The following COL19A1 variants were observed in gnomAD, a reference collection of about 807,000 sequenced individuals.
COL19A1 encodes collagen alpha-1(XIX) chain.
Under a neutral mutation model 190.2 loss-of-function variants are expected in COL19A1, and 159 were observed. That is an observed-to-expected ratio of 0.84 (90% CI 0.73 to 0.95). COL19A1 has a LOEUF of 0.95. Ranked by LOEUF, COL19A1 falls within the 40% of genes least tolerant of loss-of-function variation. The probability of loss-of-function intolerance (pLI) is 0.00; values close to 1 mark genes in which losing one functional copy is unlikely to be tolerated. For missense variants in COL19A1, 1,418 were observed against 1,431.9 expected (o/e 0.99, Z 0.16); for synonymous variants, 509 against 458.9 (o/e 1.11, Z -1.39).
intron 31 of COL19A1, among the ~76,000 whole-genome samples, chr6:70,152,149 C>T (rs1444598814): frequency 6.6e-6 from 1 of 151,798 alleles, no homozygotes; most frequent in Non-Finnish European, 1.5e-5. Context: ...TGAGTGAGGC[C>T]ACATGAAAAT....
At chr6:69,904,125 G>A (rs1008709522) in intron 4 of COL19A1, among the ~76,000 whole-genome samples, 1 of 152,154 alleles carries the variant, frequency 6.6e-6, no homozygotes, top group Non-Finnish European at 1.5e-5. Flanking sequence ...TCACTCGGGG[G>A]CACTGAGCCC....
At chr6:70,077,484 A>G (rs1781948153) in intron 15 of COL19A1, among the ~76,000 whole-genome samples, 1 of 152,184 alleles carries the variant, frequency 6.6e-6, no homozygotes, top group Non-Finnish European at 1.5e-5. Context: ...GAATTATTGT[A>G]GATTAATTTG....
At chr6:70,113,237 C>T (rs1784381111) in intron 16 of COL19A1, among the ~76,000 whole-genome samples, 2 of 152,156 alleles carry the variant, frequency 1.3e-5, no homozygotes, top group East Asian at 1.9e-4. Context: ...TGCCAGCTTC[C>T]AACTAAACTG....
chr6:69,905,272 C>G (rs1770473750), intron 4 of COL19A1, among the ~76,000 whole-genome samples: 1 of 152,200 alleles, frequency 6.6e-6, no homozygotes, highest in African/African-American at 2.4e-5. Context: ...ACTTGGAGGG[C>G]TGTAGGCAGG....
chr6:69,921,469 T>TCATATATA (rs1491230202), intron 4 of COL19A1, among the ~76,000 whole-genome samples: 26 of 110,116 alleles, frequency 2.4e-4, no homozygotes, highest in African/African-American at 1.0e-3. Flanking sequence ...ATCATATATA[T>TCATATATA]TCATATATTC....
chr6:69,868,277 A>T (rs1175143351), intron 1 of COL19A1, among the ~76,000 whole-genome samples: 3 of 151,878 alleles, frequency 2.0e-5, no homozygotes, highest in Non-Finnish European at 4.4e-5. Flanking sequence ...GTGGTGGGAA[A>T]CTTGCAGGAC....
intron 48 of COL19A1, among the ~76,000 whole-genome samples, chr6:70,193,412 G>A (rs1458092718): frequency 2.0e-5 from 3 of 152,118 alleles, no homozygotes; most frequent in African/African-American, 7.2e-5. Flanking sequence ...CTTCCTCTCT[G>A]AGTTCCTGCC....
In COL19A1 at chr6:70,195,701, G is replaced by A. The variant is rs1208949177; in HGVS notation, c.3095-3907G>A. Among the ~76,000 whole-genome samples the A allele has an allele frequency of 5.3e-5, 8 of 152,136 alleles. 1 individual carries two copies. Among genetic ancestry groups the A allele is most frequent in the Admixed American group, 2.0e-4 (3 of 15,274 alleles). On this transcript the variant is annotated intron_variant, in intron 48 of 50. Transcript: ENST00000620364. ...CTTTCAATCAGTGCTCCTTATTTTAGTTCCCCTCTTTCACCCCCACTTCCA... is the reference window on the plus strand; with the variant it reads ...CTTTCAATCAGTGCTCCTTATTTTAATTCCCCTCTTTCACCCCCACTTCCA...
intron 1 of COL19A1, among the ~76,000 whole-genome samples, chr6:69,871,253 C>G (rs996708409): frequency 1.3e-5 from 2 of 152,122 alleles, no homozygotes; most frequent in Non-Finnish European, 2.9e-5. Flanking sequence ...TCACTAAAGA[C>G]AGATTCTAAA....
At chr6:69,908,403 A>G (rs1451191834) in intron 4 of COL19A1, among the ~76,000 whole-genome samples, 4 of 152,170 alleles carry the variant, frequency 2.6e-5, no homozygotes, top group Non-Finnish European at 5.9e-5. Flanking sequence ...AGCTGTTTTT[A>G]TGAGATTGTA....
intron 15 of COL19A1, among the ~76,000 whole-genome samples, chr6:70,100,410 G>C (rs1453438833): frequency 6.6e-6 from 1 of 151,986 alleles, no homozygotes; most frequent in Admixed American, 6.6e-5. Context: ...TTTAAGTATA[G>C]AGAATATTAA....
At chr6:69,891,566 G>C (rs1443421354) in intron 2 of COL19A1, among the ~76,000 whole-genome samples, 1 of 152,114 alleles carries the variant, frequency 6.6e-6, no homozygotes, top group Non-Finnish European at 1.5e-5. Context: ...AGGGAGAGAG[G>C]GAAGAATGTC....
In COL19A1 at chr6:70,146,686, G is replaced by C. The variant is rs2150241178; in HGVS notation, c.1798G>C (p.Gly600Arg). The change falls in exon 26 of 51, where the codon GGT becomes CGT. Residue 600 changes from glycine (G) to arginine (R), a missense_variant. Coordinates refer to ENST00000620364, the MANE Select transcript of COL19A1 (RefSeq NM_001858.6). ...PGLDGNPGAP[G>R]PRGPKGERGL... is the part of the protein sequence containing the mutation. ...ATTAGATGGAAATCCTGGAGCACCT[G>C]GTCCACGTGGGCCAAAGGTATACAA... is the stretch of plus-strand genomic sequence containing the variant. 4.4e-6 allele frequency: 7 copies of C among 1,606,580 alleles called. No homozygotes were observed. Among genetic ancestry groups the C allele is most frequent in the Non-Finnish European group, 5.9e-6 (7 of 1,176,688 alleles).
At chr6:69,867,625 A>C (rs1767555315) in intron 1 of COL19A1, 1 of 152,188 alleles carries the variant, frequency 6.6e-6, no homozygotes, top group African/African-American at 2.4e-5. Flanking sequence ...GCTCCCCGAG[A>C]GCAGGCGGGC....
intron 34 of COL19A1, among the ~76,000 whole-genome samples, chr6:70,159,180 T>C (rs1013066748): frequency 6.6e-6 from 1 of 151,988 alleles, no homozygotes; most frequent in Non-Finnish European, 1.5e-5. Context: ...TATACGTATA[T>C]TTTATGCATG....
At chr6:70,023,119 A>G (rs1161371379) in intron 11 of COL19A1, among the ~76,000 whole-genome samples, 1 of 147,158 alleles carries the variant, frequency 6.8e-6, no homozygotes, top group Non-Finnish European at 1.5e-5. Context: ...TGGTTTAATC[A>G]TTTTTATGCA....
chr6:69,896,635 T>C (rs1005601980), intron 2 of COL19A1, among the ~76,000 whole-genome samples: 29 of 151,982 alleles, frequency 1.9e-4, no homozygotes, highest in African/African-American at 6.5e-4. Flanking sequence ...AGAATAGTTT[T>C]TGTTGCTCCA....
chr6:69,923,944 C>T (rs748148245), intron 4 of COL19A1, among the ~76,000 whole-genome samples: 16 of 152,136 alleles, frequency 1.1e-4, no homozygotes, highest in Non-Finnish European at 2.1e-4. Flanking sequence ...GCAGAAACTT[C>T]AGGAGTCAAA....
intron 34 of COL19A1, among the ~76,000 whole-genome samples, 195 bp downstream of exon 34, chr6:70,156,918 G>C (rs1787475192): frequency 6.6e-6 from 1 of 152,026 alleles, no homozygotes; most frequent in Admixed American, 6.6e-5. Flanking sequence ...TCCGGTTTTA[G>C]AGACAAGGAA....
Sources: allele counts gnomAD v4.1 joint callset (sites outside exome capture counted in the v4.1 genomes callset), GRCh38; gene constraint gnomAD v4.1.1; transcripts MANE v1.5; gene names NCBI Gene and HGNC (gene_info 2026-07-23, HGNC 2026-07-21).